PCDH9: variants seen among roughly 807,000 people sequenced by gnomAD.
PCDH9 encodes protocadherin 9, also known as protocadherin-9.
A neutral mutation model predicts 70.6 loss-of-function variants in PCDH9; 24 were observed. That is an observed-to-expected ratio of 0.34 (90% CI 0.25 to 0.48). The LOEUF is 0.48. PCDH9 is among the 20% of genes least tolerant of loss of function. The pLI is 0.99. For synonymous variants in PCDH9, 562 were observed against 558.5 expected (o/e 1.01, Z -0.09); for missense variants, 1,281 against 1,503.6 (o/e 0.85, Z 2.45).
In PCDH9 at chr13:67,061,652, T is replaced by C. The variant is rs147587099; in HGVS notation, c.3037-158047A>G. 4.2e-3 allele frequency among the ~76,000 whole-genome samples: 644 copies of C among 152,230 alleles called. 2 individuals are homozygous for C. The highest frequency in any genetic ancestry group is 0.024 in the Middle Eastern group (7 of 294). On this transcript the variant is annotated intron_variant, in intron 2 of 4. Transcript: ENST00000377865. ...AAAGCTATTTGAAACCCAAATCAATTAACTTTCTCATTCCCCTTCATGTCT... is the reference window on the plus strand; with the variant it reads ...AAAGCTATTTGAAACCCAAATCAATCAACTTTCTCATTCCCCTTCATGTCT...
intron 3 of PCDH9, among the ~76,000 whole-genome samples, chr13:66,768,774 A>G: frequency 6.6e-6 from 1 of 152,076 alleles, no homozygotes; most frequent in Admixed American, 6.6e-5. Flanking sequence ...GAGGAGATTC[A>G]ACAGGTGAAA....
At chr13:67,049,042 T>C (rs887597036) in intron 2 of PCDH9, among the ~76,000 whole-genome samples, 13 of 152,206 alleles carry the variant, frequency 8.5e-5, no homozygotes, top group Non-Finnish European at 8.8e-5. Context: ...TAGGAGTGCA[T>C]TGTAATCAGA....
At chr13:66,550,327 A>G (rs1961429033) in intron 4 of PCDH9, among the ~76,000 whole-genome samples, 1 of 152,084 alleles carries the variant, frequency 6.6e-6, no homozygotes, top group Non-Finnish European at 1.5e-5. Context: ...ATTATAGTAT[A>G]AGAATATTAA....
Position 66,643,625 on chromosome 13 carries a change from C to CTTCT in PCDH9, c.3139-12218_3139-12215dup, listed in dbSNP as rs376528704. On this transcript the variant is annotated intron_variant, in intron 3 of 4. Coordinates refer to ENST00000377865, the MANE Select transcript of PCDH9 (RefSeq NM_203487.3). ...ATAAAATTCAAACGTATGTCAAGAA[C>CTTCT]TTCTATATGTCAAAAGCTTCTGTAA... Among the ~76,000 whole-genome samples, 620 of 152,088 alleles carry CTTCT rather than the reference C, an allele frequency of 4.1e-3. 1 individual carries two copies. Among genetic ancestry groups the CTTCT allele is most frequent in the African/African-American group, 0.014 (599 of 41,540 alleles).
intron 2 of PCDH9, among the ~76,000 whole-genome samples, chr13:67,107,496 G>A (rs1459242256): frequency 2.6e-5 from 4 of 152,264 alleles, no homozygotes. Context: ...GAGGGCTATG[G>A]ACGTCAGAAC....
intron 4 of PCDH9, among the ~76,000 whole-genome samples, chr13:66,551,701 G>A (rs1376792726): frequency 6.6e-6 from 1 of 151,922 alleles, no homozygotes; most frequent in African/African-American, 2.4e-5. Context: ...ACCAAATTTT[G>A]GTAAATTCAA....
chr13:66,602,521 T>A (rs1174779849), intron 4 of PCDH9, among the ~76,000 whole-genome samples: 2 of 145,686 alleles, frequency 1.4e-5, no homozygotes, highest in African/African-American at 4.9e-5. Context: ...CAGAAAAGTA[T>A]GATAGAATAA....
intron 2 of PCDH9, among the ~76,000 whole-genome samples, chr13:67,198,411 A>T (rs2089128883): frequency 6.6e-6 from 1 of 151,880 alleles, no homozygotes; most frequent in Non-Finnish European, 1.5e-5. Context: ...GTGTACCAGA[A>T]ATTCTGCCAG....
At chr13:66,653,689 CG>C (rs1212657524) in intron 3 of PCDH9, among the ~76,000 whole-genome samples, 5 of 151,924 alleles carry the variant, frequency 3.3e-5, no homozygotes, top group Admixed American at 6.6e-5. Context: ...AGAAAATCGC[CG>C]GGCACGGTGG....
Position 67,227,313 on chromosome 13 carries a change from T to C in PCDH9, c.1128A>G (p.Lys376=). The C allele has an allele frequency of 6.2e-7, 1 of 1,613,820 alleles. No homozygotes were observed. The highest frequency in any genetic ancestry group is 8.5e-7 in the Non-Finnish European group (1 of 1,179,682). ...GGGCAATCTTTGTATTGACAGGATC[T>C]TTCTCAGATAAATACACGGTGCCAT... ...PINGTVYLSE[K]DPVNTKIALI... Residue 376 remains lysine (K), a synonymous_variant, in exon 2 of 5, where the codon AAA becomes AAG. Coordinates refer to ENST00000377865, the MANE Select transcript of PCDH9 (RefSeq NM_203487.3). This position sits in a 1 kb window ranked among gnomAD's most constrained non-coding sequence, Gnocchi z 4.6.
At chr13:66,646,033 T>C (rs1280044415) in intron 3 of PCDH9, among the ~76,000 whole-genome samples, 1 of 152,200 alleles carries the variant, frequency 6.6e-6, no homozygotes, top group Admixed American at 6.5e-5. Flanking sequence ...ATAATAACTC[T>C]ACAAAAGCCG....
At chr13:66,631,747 G>A (rs2077574422) in intron 3 of PCDH9, among the ~76,000 whole-genome samples, 2 of 152,132 alleles carry the variant, frequency 1.3e-5, no homozygotes, top group African/African-American at 4.8e-5. Context: ...GATGAAATAT[G>A]CAAATATGCT....
chr13:66,526,368 AC>A (rs1960216419), intron 4 of PCDH9, among the ~76,000 whole-genome samples: 1 of 152,094 alleles, frequency 6.6e-6, no homozygotes. Context: ...ATTTTGATGA[AC>A]CATTTTGTCA....
At chr13:66,763,961 A>G (rs919933617) in intron 3 of PCDH9, among the ~76,000 whole-genome samples, 2 of 151,606 alleles carry the variant, frequency 1.3e-5, no homozygotes, top group Non-Finnish European at 2.9e-5. Flanking sequence ...ACAACACTCG[A>G]CTAATTGTTG....
chr13:66,824,173 TA>T (rs2080767026), intron 3 of PCDH9, among the ~76,000 whole-genome samples: 1 of 151,524 alleles, frequency 6.6e-6, no homozygotes. Context: ...TCTACTTAAA[TA>T]ATTTAAATCT....
intron 4 of PCDH9, among the ~76,000 whole-genome samples, chr13:66,407,241 G>A (rs1409563300): frequency 3.3e-5 from 5 of 152,198 alleles, no homozygotes; most frequent in East Asian, 1.9e-4. Flanking sequence ...ATGCTCAAGC[G>A]TAAATACATC....
At chr13:66,383,199 A>T (rs571300049) in intron 4 of PCDH9, among the ~76,000 whole-genome samples, 6 of 152,316 alleles carry the variant, frequency 3.9e-5, no homozygotes, top group Admixed American at 1.3e-4. Context: ...TTATCTAAGA[A>T]AAAGGAGATG....
At chr13:66,868,462 A>G (rs1381102234) in intron 3 of PCDH9, among the ~76,000 whole-genome samples, 2 of 152,064 alleles carry the variant, frequency 1.3e-5, no homozygotes, top group African/African-American at 4.8e-5. Flanking sequence ...ACACAAATTT[A>G]CCAATGTACT....
At chr13:66,601,041 C>T (rs906031059) in intron 4 of PCDH9, among the ~76,000 whole-genome samples, 1 of 144,912 alleles carries the variant, frequency 6.9e-6, no homozygotes, top group Admixed American at 7.0e-5. Context: ...TTCATTTGTA[C>T]ACTTCTATGA....
Sources: gnomAD v4.1 joint callset for allele counts (sites outside exome capture counted in the v4.1 genomes callset) on GRCh38, gnomAD v4.1.1 for gene constraint, Gnocchi (gnomAD v3.1) non-coding constraint, MANE v1.5 for transcripts, NCBI Gene and HGNC (gene_info 2026-07-23, HGNC 2026-07-21) for gene names.